Variants in KIF1B observed in about 807,000 individuals in gnomAD.
KIF1B encodes the protein kinesin-like protein KIF1B.
KIF1B carries 76 observed loss-of-function variants against 241.9 expected under a neutral mutation model. The observed-to-expected ratio is 0.31, with a 90% CI of 0.26 to 0.38. KIF1B has a LOEUF of 0.38. Among genes scored for constraint, KIF1B ranks in the 10% least tolerant of loss-of-function variants. The pLI, the probability that KIF1B is intolerant of heterozygous loss-of-function variation, is 1.00. For missense variants in KIF1B, 1,622 were observed against 2,271.4 expected (o/e 0.71, Z 5.81); for synonymous variants, 750 against 796.7 (o/e 0.94, Z 0.99).
At chr1:10,225,782 G>A (rs886805319) in intron 1 of KIF1B, among the ~76,000 whole-genome samples, 66 of 152,178 alleles carry the variant, frequency 4.3e-4, no homozygotes, top group African/African-American at 1.5e-3. Context: ...ATGTGGGCTT[G>A]TAAAAATAGG....
chr1:10,253,534 T>G (rs534203967), intron 2 of KIF1B, among the ~76,000 whole-genome samples: 1 of 152,216 alleles, frequency 6.6e-6, no homozygotes, highest in African/African-American at 2.4e-5. Flanking sequence ...TCCCATCTAC[T>G]CCAGAGGCTG....
chr1:10,276,173 G>T, intron 11 of KIF1B, 148 bp from the exon 12 acceptor site: 1 of 666,296 alleles, frequency 1.5e-6, no homozygotes, highest in African/African-American at 1.8e-5. Context: ...GAAAGAGTGA[G>T]ACTCCCTCTC....
intron 48 of KIF1B, among the ~76,000 whole-genome samples, chr1:10,375,786 G>GTTTTTTTTTTT (rs201620952): frequency 2.9e-5 from 2 of 69,566 alleles, no homozygotes; most frequent in Non-Finnish European, 5.2e-5. Context: ...TTCTTTTCTT[G>GTTTTTTTTTTT]TTTTTTTTTT....
At position 10,365,387 on chromosome 1, in the gene KIF1B, G is replaced by T; in HGVS notation, c.4513-22G>T. On this transcript the variant is annotated intron_variant, in intron 42 of 48. Transcript: ENST00000676179. The surrounding 1 kb of genome is among the most constrained non-coding windows in gnomAD (Gnocchi z 4.0). The stretch of plus-strand genomic sequence containing the variant: ...CTTAACGAGCTTTGTGTTTGCTATA[G>T]CAGTAGTATTGATCTTCTCAGGTGG... 1 of 1,614,068 alleles carries T rather than the reference G, an allele frequency of 6.2e-7. No homozygotes were observed. The highest frequency in any genetic ancestry group is 1.1e-5 in the South Asian group (1 of 91,072).
intron 32 of KIF1B, 131 bp downstream of exon 32, chr1:10,339,990 G>T (rs559907055): frequency 7.7e-5 from 61 of 794,012 alleles, no homozygotes; most frequent in Non-Finnish European, 1.3e-4. Flanking sequence ...AGAGGGCGTG[G>T]CTAGAGTGGT....
intron 8 of KIF1B, 125 bp downstream of exon 8, chr1:10,271,704 T>C: frequency 1.3e-6 from 1 of 744,874 alleles, no homozygotes; most frequent in Non-Finnish European, 2.4e-6. Flanking sequence ...GCTTTTGCAC[T>C]ACAATGGCAG....
chr1:10,259,029 A>T (rs1179237294), intron 4 of KIF1B, among the ~76,000 whole-genome samples: 1 of 152,120 alleles, frequency 6.6e-6, no homozygotes, highest in African/African-American at 2.4e-5. Context: ...TTCCATGCAT[A>T]GATTACCTCT....
intron 41 of KIF1B, 101 bp downstream of exon 41, chr1:10,363,445 G>T (rs1039802286): frequency 1.3e-5 from 13 of 981,228 alleles, no homozygotes; most frequent in Non-Finnish European, 1.8e-5. Flanking sequence ...TAATCCCAGC[G>T]CTTTGGGAGG....
intron 38 of KIF1B, among the ~76,000 whole-genome samples, chr1:10,359,886 T>C (rs1638366875): frequency 6.6e-6 from 1 of 151,694 alleles, no homozygotes; most frequent in Non-Finnish European, 1.5e-5. Flanking sequence ...ATAGAAAAAT[T>C]AGCTGGCGTA....
At chr1:10,330,026 T>C (rs1438133847) in intron 27 of KIF1B, among the ~76,000 whole-genome samples, 1 of 152,244 alleles carries the variant, frequency 6.6e-6, no homozygotes, top group Non-Finnish European at 1.5e-5. Context: ...TGCTAATTTT[T>C]CTTATCTTTA....
intron 1 of KIF1B, among the ~76,000 whole-genome samples, chr1:10,220,540 A>T (rs1423794382): frequency 6.6e-6 from 1 of 152,162 alleles, no homozygotes; most frequent in African/African-American, 2.4e-5. Context: ...GCAGTGATGC[A>T]TGCCTATAGT....
chr1:10,301,473 C>T (rs572288750), intron 22 of KIF1B, among the ~76,000 whole-genome samples: 6 of 151,910 alleles, frequency 3.9e-5, no homozygotes, highest in Non-Finnish European at 7.4e-5. Flanking sequence ...CAAGACCAGC[C>T]GGGCCAACAT....
chr1:10,273,110 G>A, intron 10 of KIF1B, 79 bp downstream of exon 10: 1 of 1,053,992 alleles, frequency 9.5e-7, no homozygotes, highest in Non-Finnish European at 1.4e-6. Flanking sequence ...GGAGGCATAA[G>A]TAGGAATGGA....
intron 7 of KIF1B, among the ~76,000 whole-genome samples, chr1:10,269,813 C>T (rs548408173): frequency 3.3e-4 from 50 of 152,130 alleles, no homozygotes; most frequent in Middle Eastern, 3.4e-3. Context: ...AGCGAAACTT[C>T]GTCTCAAAAA....
rs961275009 is a variant in KIF1B, at chr1:10,378,542, A to G, written c.*1955A>G. On this transcript the variant is annotated 3_prime_UTR_variant, in exon 49 of 49. Coordinates refer to ENST00000676179, the MANE Select transcript of KIF1B (RefSeq NM_001365951.3). ...TCACCATTGCTCAGGCATTCAGGAA[A>G]GTATCTGCTCACTCCCACTTGGTGA... The G allele has an allele frequency of 8.8e-6, 6 of 680,002 alleles. No homozygotes were observed. The African/African-American group carries it at 8.8e-5, about 10-fold the overall frequency. The allele number at this position is 680,002 out of a possible 1,614,324, so 42.1% of individuals were successfully genotyped here.
intron 5 of KIF1B, among the ~76,000 whole-genome samples, chr1:10,266,229 ACTATTACTAAGG>A (rs1427635974): frequency 2.6e-5 from 4 of 152,334 alleles, no homozygotes; most frequent in African/African-American, 9.6e-5. Flanking sequence ...ATGAGAAATA[ACTATTACTAAGG>A]CTAGAACACT....
chr1:10,336,130 T>G (rs746520194), intron 28 of KIF1B, among the ~76,000 whole-genome samples: 4 of 152,236 alleles, frequency 2.6e-5, no homozygotes, highest in Non-Finnish European at 5.9e-5. Flanking sequence ...GTATGACATT[T>G]GAACAATCTC....
chr1:10,285,940 G>T (rs1252494224), intron 15 of KIF1B, among the ~76,000 whole-genome samples: 1 of 152,098 alleles, frequency 6.6e-6, no homozygotes, highest in Non-Finnish European at 1.5e-5. Flanking sequence ...TTTAAAAAAG[G>T]TCAGTTGATT....
intron 2 of KIF1B, among the ~76,000 whole-genome samples, chr1:10,233,589 A>G (rs1008972695): frequency 6.6e-6 from 1 of 152,206 alleles, no homozygotes; most frequent in African/African-American, 2.4e-5. Flanking sequence ...AACATTGCCA[A>G]CAGTTCTGTG....
Sources: gnomAD v4.1 joint callset for allele counts (sites outside exome capture counted in the v4.1 genomes callset) on GRCh38, gnomAD v4.1.1 for gene constraint, Gnocchi (gnomAD v3.1) non-coding constraint, MANE v1.5 for transcripts, NCBI Gene and HGNC (gene_info 2026-07-23, HGNC 2026-07-21) for gene names.